Variants in ANOS1 observed in about 807,000 individuals in gnomAD.
ANOS1 encodes the protein anosmin-1.
Under a neutral mutation model 59.0 loss-of-function variants are expected in ANOS1, and 6 were observed. The ratio of observed to expected loss-of-function variants is 0.10; its 90% CI spans 0.06 to 0.20. The LOEUF (loss-of-function observed/expected upper bound fraction) is 0.20. Among genes scored for constraint, ANOS1 ranks in the 10% least tolerant of loss-of-function variants. ANOS1 has a pLI of 1.00. For missense variants in ANOS1, 433 were observed against 542.3 expected (o/e 0.80, Z 2.00); for synonymous variants, 217 against 223.4 (o/e 0.97, Z 0.25).
At chrX:8,610,055 C>A (rs1931026859) in intron 3 of ANOS1, among the ~76,000 whole-genome samples, 1 of 93,573 alleles carries the variant, frequency 1.1e-5, no homozygotes, top group Non-Finnish European at 2.1e-5. Context: ...TTAAAGAGCA[C>A]CCATTTTTCT....
intron 3 of ANOS1, among the ~76,000 whole-genome samples, chrX:8,600,912 C>T (rs752888898): frequency 4.5e-4 from 51 of 112,282 alleles, no homozygotes; most frequent in African/African-American, 1.4e-3. Context: ...TGTATTAGGC[C>T]GGGCGTGGTG....
rs111528924 is a variant in ANOS1, at chrX:8,615,273, G to A, written c.318+8335C>T. 1.1e-3 allele frequency among the ~76,000 whole-genome samples: 128 copies of A among 111,499 alleles called. 1 individual carries two copies. Among genetic ancestry groups the A allele is most frequent in the African/African-American group, 3.5e-3 (107 of 30,769 alleles). The stretch of plus-strand genomic sequence containing the variant: ...GAAAATTGTCTATGTGGCTGAGTGC[G>A]GTGGCTCACGCCTGTAATTCCAACA... On this transcript the variant is annotated intron_variant, in intron 3 of 13. Coordinates refer to ENST00000262648, the MANE Select transcript of ANOS1 (RefSeq NM_000216.4).
chrX:8,566,989 C>A (rs1014873438), intron 8 of ANOS1, among the ~76,000 whole-genome samples: 1 of 111,585 alleles, frequency 9.0e-6, no homozygotes. Flanking sequence ...ATGACGGGGT[C>A]CTGCTAGCCT....
At chrX:8,543,804 C>T (rs928911017) in intron 9 of ANOS1, among the ~76,000 whole-genome samples, 3 of 110,874 alleles carry the variant, frequency 2.7e-5, no homozygotes, top group African/African-American at 6.6e-5. Context: ...GTGGATGTTG[C>T]GGTGAGCTGA....
intron 6 of ANOS1, among the ~76,000 whole-genome samples, chrX:8,571,910 GA>G (rs1032161139): frequency 2.7e-5 from 3 of 111,045 alleles, no homozygotes; most frequent in East Asian, 2.8e-4. Context: ...GAAGACTGGA[GA>G]AAAAAAATCC....
At chrX:8,621,638 C>A (rs931597318) in intron 3 of ANOS1, among the ~76,000 whole-genome samples, 1 of 112,210 alleles carries the variant, frequency 8.9e-6, no homozygotes, top group African/African-American at 3.2e-5. Context: ...CACTTACATT[C>A]ATTATCTATT....
intron 9 of ANOS1, among the ~76,000 whole-genome samples, chrX:8,542,617 T>G (rs1184557816): frequency 9.2e-6 from 1 of 108,797 alleles, no homozygotes; most frequent in African/African-American, 3.4e-5. Context: ...AGGCCTGTAC[T>G]CCTTTCTGGA....
chrX:8,670,515 C>T (rs1349504092), intron 2 of ANOS1, among the ~76,000 whole-genome samples: 1 of 110,841 alleles, frequency 9.0e-6, no homozygotes, highest in Non-Finnish European at 1.9e-5. Context: ...TCTCTCCAAC[C>T]ACGCTTGTTT....
At chrX:8,694,273 A>G (rs1342042986) in intron 2 of ANOS1, among the ~76,000 whole-genome samples, 1 of 112,522 alleles carries the variant, frequency 8.9e-6, no homozygotes, top group Non-Finnish European at 1.9e-5. Context: ...AGGGCTGAAC[A>G]GCCACAACAT....
At position 8,627,809 on chromosome X, in the gene ANOS1, T is replaced by C. The variant is rs1170775717; in HGVS notation, c.256-4139A>G. ...GACACACTTTCTCTCATACTTCATGTAGAACAAAAAACTTCCTATTTCTGC... is the reference window on the plus strand; with the variant it reads ...GACACACTTTCTCTCATACTTCATGCAGAACAAAAAACTTCCTATTTCTGC... On this transcript the variant is annotated intron_variant, in intron 2 of 13. Transcript: ENST00000262648. Among the ~76,000 whole-genome samples the C allele has an allele frequency of 3.7e-5, 4 of 108,543 alleles. No individual in the cohort carries two copies. The East Asian group carries it at 8.6e-4, about 23-fold the overall frequency. 94.3% of individuals were successfully genotyped at this position (108,543 alleles called of 115,157 possible).
intron 3 of ANOS1, among the ~76,000 whole-genome samples, chrX:8,615,362 G>C (rs1329047133): frequency 9.1e-6 from 1 of 109,933 alleles, no homozygotes; most frequent in Non-Finnish European, 1.9e-5. Flanking sequence ...GGCCAAGATG[G>C]TGAAACCCTG....
At position 8,530,404 on chromosome X, in the gene ANOS1, C is replaced by T. The variant is rs1411599491; in HGVS notation, c.*2591G>A. ...TTTGTTAAAAAGCATAGATTTTATT[C>T]TTTATTAGAGCAATCACATTTTTAA... On this transcript the variant is annotated 3_prime_UTR_variant, in exon 14 of 14. Transcript: ENST00000262648. The T allele has an allele frequency of 1.8e-5, 2 of 111,481 alleles. No homozygotes were observed. Among genetic ancestry groups the T allele is most frequent in the Non-Finnish European group, 3.8e-5 (2 of 53,058 alleles). 9.2% of individuals were successfully genotyped at this position (111,481 alleles called of 1,213,427 possible).
At chrX:8,543,192 C>T (rs1190635065) in intron 9 of ANOS1, among the ~76,000 whole-genome samples, 1 of 109,748 alleles carries the variant, frequency 9.1e-6, no homozygotes, top group African/African-American at 3.4e-5. Flanking sequence ...ACTTTTATTT[C>T]TCTACTCATT....
At chrX:8,556,066 C>G (rs1037912133) in intron 8 of ANOS1, among the ~76,000 whole-genome samples, 26 of 111,968 alleles carry the variant, frequency 2.3e-4, no homozygotes, top group African/African-American at 8.4e-4. Context: ...ATAAACAGAA[C>G]CAATGACAAA....
chrX:8,604,570 A>G (rs1245366921), intron 3 of ANOS1, among the ~76,000 whole-genome samples: 2 of 112,006 alleles, frequency 1.8e-5, no homozygotes, highest in Non-Finnish European at 3.8e-5. Context: ...TCTTAATTCT[A>G]TGCTGAGTAG....
chrX:8,697,461 G>A (rs1219075934), intron 2 of ANOS1, among the ~76,000 whole-genome samples: 2 of 99,745 alleles, frequency 2.0e-5, no homozygotes, highest in Admixed American at 2.0e-4. Flanking sequence ...GGGTCAGAGT[G>A]GAAGCTAGGA....
At chrX:8,640,655 A>T (rs1168746002) in intron 2 of ANOS1, among the ~76,000 whole-genome samples, 1 of 109,977 alleles carries the variant, frequency 9.1e-6, no homozygotes, top group Non-Finnish European at 1.9e-5. Flanking sequence ...TTGTAATATA[A>T]TCATAGAATT....
intron 2 of ANOS1, among the ~76,000 whole-genome samples, chrX:8,631,511 G>A (rs1248559514): frequency 9.0e-6 from 1 of 111,332 alleles, no homozygotes; most frequent in African/African-American, 3.3e-5. Context: ...AAACTAGAAT[G>A]GCAACCTGTA....
chrX:8,576,487 CACAT>C (rs1373329614), intron 6 of ANOS1, among the ~76,000 whole-genome samples: 23 of 100,100 alleles, frequency 2.3e-4, no homozygotes, highest in Non-Finnish European at 4.0e-4. Flanking sequence ...CACACACACA[CACAT>C]ACACACACAC....
Sources: allele counts gnomAD v4.1 joint callset (sites outside exome capture counted in the v4.1 genomes callset), GRCh38; gene constraint gnomAD v4.1.1; transcripts MANE v1.5; gene names NCBI Gene and HGNC (gene_info 2026-07-23, HGNC 2026-07-21).